SCUBE1: variants seen among roughly 807,000 people sequenced by gnomAD.
SCUBE1 encodes the protein signal peptide, CUB domain and EGF like domain containing 1.
In SCUBE1, 59 loss-of-function variants were observed where a neutral mutation model predicts 124.4. The ratio of observed to expected loss-of-function variants is 0.47; its 90% CI spans 0.38 to 0.59. The LOEUF is 0.59. Among genes scored for constraint, SCUBE1 ranks in the 20% least tolerant of loss-of-function variants. The pLI, the probability that SCUBE1 is intolerant of heterozygous loss-of-function variation, is 0.00. For synonymous variants in SCUBE1, 545 were observed against 550.9 expected, an observed-to-expected ratio of 0.99 and a Z score of 0.15; for missense variants, 1,150 against 1,371.2, an observed-to-expected ratio of 0.84 and a Z score of 2.55.
At chr22:43,245,344 C>T (rs1257857577) in intron 6 of SCUBE1, among the ~76,000 whole-genome samples, 4 of 152,246 alleles carry the variant, frequency 2.6e-5, no homozygotes, top group Admixed American at 6.5e-5. Context: ...TCTACCTCCA[C>T]TGGGCAAATG....
chr22:43,305,439 T>C (rs1011110922), intron 3 of SCUBE1, among the ~76,000 whole-genome samples: 8 of 152,064 alleles, frequency 5.3e-5, no homozygotes, highest in Non-Finnish European at 1.2e-4. Context: ...CAGGTCCCTC[T>C]GCCCGGGGGG....
In SCUBE1 at chr22:43,343,349, C is replaced by T. The variant is rs1339434434; in HGVS notation, c.-88G>A. Reference sequence around the variant, plus strand: ...GCTCCCGCAGGCGCTGCTCGCTGCTCGCCGCTCCGCCACCGCTCGGGCTCC... The same window carrying T: ...GCTCCCGCAGGCGCTGCTCGCTGCTTGCCGCTCCGCCACCGCTCGGGCTCC... On this transcript the variant is annotated 5_prime_UTR_variant, in exon 1 of 22. Transcript: ENST00000360835. 1.4e-5 allele frequency: 8 copies of T among 581,700 alleles called. No individual in the cohort carries two copies. Among genetic ancestry groups the T allele is most frequent in the Non-Finnish European group, 1.6e-5 (7 of 449,400 alleles). 36.0% of individuals were successfully genotyped at this position (581,700 alleles called of 1,614,324 possible).
rs56873676 is a variant in SCUBE1, at chr22:43,275,756, C to T, written c.485-12911G>A. On this transcript the variant is annotated intron_variant, in intron 4 of 21. Transcript: ENST00000360835. ...CCGAGGTTGTAATCAGTAAAGGGCA[C>T]GTGTGCCGTAACAGGGAGAACAACA... is the stretch of plus-strand genomic sequence containing the variant. 1.4e-4 allele frequency among the ~76,000 whole-genome samples: 22 copies of T among 152,268 alleles called. No homozygotes were observed. The East Asian group carries it at 2.1e-3, about 15-fold the overall frequency.
intron 2 of SCUBE1, among the ~76,000 whole-genome samples, chr22:43,331,060 G>C (rs758534387): frequency 1.3e-5 from 2 of 152,026 alleles, no homozygotes; most frequent in Non-Finnish European, 2.9e-5. Context: ...ATTTAATAAG[G>C]TCATGGACAT....
chr22:43,234,534 T>C lies in SCUBE1; in HGVS notation c.845-2659A>G, dbSNP rs1031862507. 1.3e-5 allele frequency among the ~76,000 whole-genome samples: 2 copies of C among 152,168 alleles called. No homozygotes were observed. The highest frequency in any genetic ancestry group is 4.8e-5 in the African/African-American group (2 of 41,448). ...CCAGACAGGCAGAGGGAGGCATGTCTGCCTGAGGCCCGGGCTGGTGTAGCT... is the reference window on the plus strand; with the variant it reads ...CCAGACAGGCAGAGGGAGGCATGTCCGCCTGAGGCCCGGGCTGGTGTAGCT... On this transcript the variant is annotated intron_variant, in intron 7 of 21. Coordinates refer to ENST00000360835, the MANE Select transcript of SCUBE1 (RefSeq NM_173050.5). This position sits in a 1 kb window ranked among gnomAD's most constrained non-coding sequence, Gnocchi z 4.4.
chr22:43,299,035 C>T (rs1432206891), intron 3 of SCUBE1, among the ~76,000 whole-genome samples: 1 of 142,394 alleles, frequency 7.0e-6, no homozygotes, highest in Non-Finnish European at 1.5e-5. Context: ...TGGGGCGACA[C>T]AGCGAGACTC....
intron 6 of SCUBE1, among the ~76,000 whole-genome samples, chr22:43,248,564 C>T (rs546004452): frequency 3.3e-5 from 5 of 152,354 alleles, no homozygotes; most frequent in African/African-American, 9.6e-5. Context: ...GACCAGACAC[C>T]AGCCATATTT....
intron 3 of SCUBE1, among the ~76,000 whole-genome samples, chr22:43,294,694 C>T (rs1260588053): frequency 6.6e-6 from 1 of 152,180 alleles, no homozygotes; most frequent in Admixed American, 6.5e-5. Context: ...TTGCAGACTG[C>T]GTCCTCCAGG....
At position 43,276,501 on chromosome 22, in the gene SCUBE1, T is replaced by A. The variant is rs1176747239; in HGVS notation, c.485-13656A>T. On this transcript the variant is annotated intron_variant, in intron 4 of 21. Coordinates refer to ENST00000360835, the MANE Select transcript of SCUBE1 (RefSeq NM_173050.5). ...GCCAGGCAGACGTCCCACCAGGAGA[T>A]TGGCCTTGTGGCCACAGTCACAACC... 2.6e-5 allele frequency among the ~76,000 whole-genome samples: 4 copies of A among 152,098 alleles called. No individual in the cohort carries two copies. The South Asian group carries it at 8.3e-4, about 31-fold the overall frequency.
intron 3 of SCUBE1, among the ~76,000 whole-genome samples, chr22:43,293,042 C>A (rs1925426250): frequency 6.6e-6 from 1 of 152,200 alleles, no homozygotes; most frequent in African/African-American, 2.4e-5. Flanking sequence ...GCTTAGGACC[C>A]CCTAGGGGCC....
At position 43,203,952 on chromosome 22, in the gene SCUBE1, C is replaced by T. The variant is rs200536877; in HGVS notation, c.*45G>A. 8.8e-4 allele frequency: 1,418 copies of T among 1,604,498 alleles called. 2 individuals are homozygous for T. Among genetic ancestry groups the T allele is most frequent in the Admixed American group, 3.3e-3 (198 of 59,764 alleles). On this transcript the variant is annotated 3_prime_UTR_variant, in exon 22 of 22. Transcript: ENST00000360835. ...GCTCCCACTGTGGAGGGCAGGTGCA[C>T]CCTCCGCGGACCAGGCCACCCCCAG... is the stretch of plus-strand genomic sequence containing the variant.
Position 43,231,790 on chromosome 22 carries a change from C to T in SCUBE1, c.930G>A (p.Lys310=). The T allele has an allele frequency of 6.2e-7, 1 of 1,610,398 alleles. No individual in the cohort carries two copies. Among genetic ancestry groups the T allele is most frequent in the Non-Finnish European group, 8.5e-7 (1 of 1,178,758 alleles). Residue 310 remains lysine, a synonymous_variant, in exon 8 of 22, where the codon AAG becomes AAA. Transcript: ENST00000360835. ...GCTCGTCGGTGAGCAGCTTGTAGCCCTTCCGGCAGCCGCACTCGAAGCTGC... is the reference window on the plus strand; with the variant it reads ...GCTCGTCGGTGAGCAGCTTGTAGCCTTTCCGGCAGCCGCACTCGAAGCTGC... The part of the protein sequence containing the change: ...TVGSFECGCR[K]GYKLLTDERT...
chr22:43,267,192 G>T (rs920089148), intron 4 of SCUBE1, among the ~76,000 whole-genome samples: 1 of 152,178 alleles, frequency 6.6e-6, no homozygotes, highest in African/African-American at 2.4e-5. Context: ...CCGTTGGGGA[G>T]ACATGAGCTT....
chr22:43,266,235 G>A (rs528981060), intron 4 of SCUBE1, among the ~76,000 whole-genome samples: 75 of 152,316 alleles, frequency 4.9e-4, no homozygotes, highest in Admixed American at 8.5e-4. Flanking sequence ...TGCATGGTGA[G>A]GCTGTGGTCA....
At chr22:43,224,037 C>T (rs1922208962) in intron 10 of SCUBE1, among the ~76,000 whole-genome samples, 4 of 152,236 alleles carry the variant, frequency 2.6e-5, no homozygotes, top group Admixed American at 2.6e-4. Flanking sequence ...CCTGCCTGAC[C>T]AACACAGCTC....
chr22:43,238,533 G>A (rs926626515), intron 7 of SCUBE1: 16 of 589,938 alleles, frequency 2.7e-5, no homozygotes, highest in South Asian at 4.2e-5. Context: ...CAGTAGAGAC[G>A]CTGGCTTAAC....
At chr22:43,248,873 C>A (rs1212570294) in intron 6 of SCUBE1, among the ~76,000 whole-genome samples, 1 of 152,200 alleles carries the variant, frequency 6.6e-6, no homozygotes, top group East Asian at 1.9e-4. Context: ...CCCCATCCAT[C>A]CCCGGGCACC....
At chr22:43,205,276 C>A (rs1425333079) in intron 21 of SCUBE1, among the ~76,000 whole-genome samples, 1 of 152,120 alleles carries the variant, frequency 6.6e-6, no homozygotes, top group Non-Finnish European at 1.5e-5. Flanking sequence ...CGGGGCTGTC[C>A]TCCGGAGCAG....
intron 3 of SCUBE1, among the ~76,000 whole-genome samples, chr22:43,316,503 G>A (rs1457167574): frequency 2.0e-5 from 3 of 152,184 alleles, no homozygotes; most frequent in Non-Finnish European, 4.4e-5. Context: ...GATAACTCTT[G>A]GAAGATACTT....
Sources: gnomAD v4.1 joint callset for allele counts (sites outside exome capture counted in the v4.1 genomes callset) on GRCh38, gnomAD v4.1.1 for gene constraint, Gnocchi (gnomAD v3.1) non-coding constraint, MANE v1.5 for transcripts, NCBI Gene and HGNC (gene_info 2026-07-23, HGNC 2026-07-21) for gene names.